The following PDE4D variants were observed in gnomAD, a reference collection of about 807,000 sequenced individuals.
PDE4D encodes 3',5'-cyclic-AMP phosphodiesterase 4D.
Under a neutral mutation model 87.4 loss-of-function variants are expected in PDE4D, and 24 were observed. The observed-to-expected ratio is 0.27, with a 90% CI of 0.20 to 0.39. The LOEUF is 0.39. Ranked by LOEUF, PDE4D falls within the 10% of genes least tolerant of loss-of-function variation. PDE4D has a pLI of 1.00. For missense variants in PDE4D, 714 were observed against 1,041.0 expected, an observed-to-expected ratio of 0.69 and a Z score of 4.32; for synonymous variants, 384 against 383.2, an observed-to-expected ratio of 1.00 and a Z score of -0.02.
At chr5:60,205,172 C>T (rs1322439595) in intron 1 of PDE4D, among the ~76,000 whole-genome samples, 2 of 152,170 alleles carry the variant, frequency 1.3e-5, no homozygotes, top group East Asian at 3.9e-4. Context: ...GCCAGGCCTA[C>T]TTGAGCCCAG....
At position 58,973,837 on chromosome 5, in the gene PDE4D, T is replaced by TTAAAA. The variant is rs1206843835; in HGVS notation, c.*822_*826dup. The stretch of plus-strand genomic sequence containing the variant: ...TGCAACATAAAGTTGTTTTTCTCTT[T>TTAAAA]TAAAATATGGAAGTCATTGGTATAT... On this transcript the variant is annotated 3_prime_UTR_variant, in exon 15 of 15. Coordinates refer to ENST00000340635, the MANE Select transcript of PDE4D (RefSeq NM_001104631.2). The TTAAAA allele has an allele frequency of 2.0e-5, 3 of 148,166 alleles. No individual in the cohort carries two copies. The highest frequency in any genetic ancestry group is 7.4e-5 in the African/African-American group (3 of 40,412). 9.2% of individuals were successfully genotyped at this position (148,166 alleles called of 1,614,324 possible).
At chr5:59,345,668 G>C (rs1374441121) in intron 1 of PDE4D, among the ~76,000 whole-genome samples, 1 of 152,118 alleles carries the variant, frequency 6.6e-6, no homozygotes, top group African/African-American at 2.4e-5. Context: ...TGTTATTACA[G>C]GCAAACATTT....
At chr5:59,303,764 C>A (rs184846850) in intron 1 of PDE4D, among the ~76,000 whole-genome samples, 1 of 152,246 alleles carries the variant, frequency 6.6e-6, no homozygotes, top group East Asian at 1.9e-4. Context: ...TATTTTTATA[C>A]CAGTACCATG....
chr5:59,158,812 C>T (rs969653056), intron 5 of PDE4D, among the ~76,000 whole-genome samples: 1 of 152,220 alleles, frequency 6.6e-6, no homozygotes, highest in Non-Finnish European at 1.5e-5. Flanking sequence ...ACCCTGAGGT[C>T]ATTGCTCTTT....
chr5:59,657,168 A>G (rs1023386739), intron 1 of PDE4D, among the ~76,000 whole-genome samples: 2 of 152,248 alleles, frequency 1.3e-5, no homozygotes, highest in African/African-American at 4.8e-5. Context: ...GAAAAACAAA[A>G]TAAAGACTAC....
chr5:59,406,640 G>A (rs543143151), intron 1 of PDE4D, among the ~76,000 whole-genome samples: 1 of 152,122 alleles, frequency 6.6e-6, no homozygotes, highest in East Asian at 1.9e-4. Context: ...TGCCTGCCTT[G>A]GCCTCCCAAA....
chr5:59,658,166 A>G (rs1425498292), intron 1 of PDE4D, among the ~76,000 whole-genome samples: 1 of 152,228 alleles, frequency 6.6e-6, no homozygotes, highest in Non-Finnish European at 1.5e-5. Context: ...AGGTATAAGG[A>G]TAACAAATTT....
chr5:60,112,424 TA>T (rs1777771994), intron 2 of PDE4D, among the ~76,000 whole-genome samples: 1 of 152,098 alleles, frequency 6.6e-6, no homozygotes, highest in African/African-American at 2.4e-5. Context: ...ACAAAATTTA[TA>T]AAAACAGTAT....
Position 59,073,511 on chromosome 5 carries a change from G to GGGT in PDE4D, c.809-34541_809-34540insACC, listed in dbSNP as rs1251606791. On this transcript the variant is annotated intron_variant, in intron 5 of 14. Transcript: ENST00000340635. Reference sequence around the variant, plus strand: ...TACAGAAAATAAAGTGGGGGGCGGGGGGGGCGGGTGGTTGGAGATGAGGAG... The same window carrying GGGT: ...TACAGAAAATAAAGTGGGGGGCGGGGGGTGGGGCGGGTGGTTGGAGATGAGGAG... Among the ~76,000 whole-genome samples the GGGT allele has an allele frequency of 2.9e-5, 4 of 140,148 alleles. 1 individual carries two copies. The highest frequency in any genetic ancestry group is 3.7e-3 in the Middle Eastern group (1 of 268). 91.9% of individuals were successfully genotyped at this position (140,148 alleles called of 152,430 possible). A position where few individuals can be genotyped will look rare whatever the true frequency, so the allele number is the denominator to read the frequency against.
intron 1 of PDE4D, among the ~76,000 whole-genome samples, chr5:59,287,486 C>T (rs1365201417): frequency 1.3e-5 from 2 of 152,094 alleles, no homozygotes; most frequent in Admixed American, 1.3e-4. Flanking sequence ...CTAGGAGGAA[C>T]TAGTTGTCTT....
At chr5:60,410,227 G>C (rs577726361) in intron 1 of PDE4D, among the ~76,000 whole-genome samples, 2 of 152,144 alleles carry the variant, frequency 1.3e-5, no homozygotes, top group African/African-American at 4.8e-5. Flanking sequence ...GCTGGGTGTG[G>C]AGAGTCCATC....
intron 1 of PDE4D, among the ~76,000 whole-genome samples, chr5:59,808,695 A>G (rs1768009808): frequency 6.6e-6 from 1 of 152,166 alleles, no homozygotes; most frequent in Non-Finnish European, 1.5e-5. Context: ...CCAGATACCG[A>G]GAGATTTTGG....
At chr5:59,142,906 G>T (rs1339284388) in intron 5 of PDE4D, among the ~76,000 whole-genome samples, 1 of 152,158 alleles carries the variant, frequency 6.6e-6, no homozygotes, top group African/African-American at 2.4e-5. Flanking sequence ...GACAGAGCGA[G>T]ACTCCATCTC....
chr5:59,122,757 A>C (rs1356164261), intron 5 of PDE4D, among the ~76,000 whole-genome samples: 1 of 152,240 alleles, frequency 6.6e-6, no homozygotes, highest in Non-Finnish European at 1.5e-5. Flanking sequence ...CACATTTACA[A>C]TGTTGTGCAA....
chr5:59,574,113 T>A (rs375540206), intron 1 of PDE4D, among the ~76,000 whole-genome samples: 8 of 4,982 alleles, frequency 1.6e-3, no homozygotes, highest in Admixed American at 7.0e-3. Context: ...TTTATATATA[T>A]ATATAAATAT....
At chr5:60,455,568 C>G (rs1447653619) in intron 1 of PDE4D, among the ~76,000 whole-genome samples, 2 of 152,164 alleles carry the variant, frequency 1.3e-5, no homozygotes, top group Non-Finnish European at 2.9e-5. Context: ...AACCAGAACT[C>G]AATTAACTAC....
intron 1 of PDE4D, among the ~76,000 whole-genome samples, chr5:59,467,853 T>C (rs554983806): frequency 3.3e-5 from 5 of 152,338 alleles, no homozygotes; most frequent in East Asian, 1.9e-4. Flanking sequence ...AAAAGCTTTA[T>C]GGATTTTTCT....
intron 1 of PDE4D, among the ~76,000 whole-genome samples, chr5:60,362,959 T>C (rs144735413): frequency 1.7e-3 from 259 of 152,304 alleles, no homozygotes; most frequent in African/African-American, 6.0e-3. Context: ...TTATAAACAA[T>C]TATATGAGTA....
At chr5:60,355,197 T>G (rs995457819) in intron 1 of PDE4D, among the ~76,000 whole-genome samples, 1 of 152,180 alleles carries the variant, frequency 6.6e-6, no homozygotes, top group Admixed American at 6.5e-5. Context: ...CAAGGTGTAA[T>G]AGTCAGGAGA....
Sources: allele counts gnomAD v4.1 joint callset (sites outside exome capture counted in the v4.1 genomes callset), GRCh38; gene constraint gnomAD v4.1.1; transcripts MANE v1.5; gene names NCBI Gene and HGNC (gene_info 2026-07-23, HGNC 2026-07-21).